Variants in IL1R1 observed in about 807,000 individuals in gnomAD.
IL1R1 encodes interleukin 1 receptor type 1, also known as interleukin-1 receptor type 1.
Under a neutral mutation model 50.2 loss-of-function variants are expected in IL1R1, and 22 were observed. The ratio of observed to expected loss-of-function variants is 0.44; its 90% CI spans 0.31 to 0.63. The LOEUF is 0.63. Ranked by LOEUF, IL1R1 falls within the 20% of genes least tolerant of loss-of-function variation. The pLI is 0.07. For missense variants in IL1R1, 509 were observed against 676.2 expected (o/e 0.75, Z 2.74); for synonymous variants, 251 against 236.7 (o/e 1.06, Z -0.55).
intron 1 of IL1R1, among the ~76,000 whole-genome samples, chr2:102,072,241 C>T (rs1678760527): frequency 7.1e-6 from 1 of 140,526 alleles, no homozygotes; most frequent in South Asian, 2.2e-4. Flanking sequence ...GCCTGGGTGA[C>T]AGAGCAAGAC....
At chr2:102,130,202 T>C (rs1681954998) in intron 1 of IL1R1, among the ~76,000 whole-genome samples, 1 of 152,188 alleles carries the variant, frequency 6.6e-6, no homozygotes, top group South Asian at 2.1e-4. Context: ...CATACCATGT[T>C]TGAATTATTA....
In IL1R1 at chr2:102,172,699, T is replaced by C. The variant is rs749632330; in HGVS notation, c.852T>C (p.Pro284=). The C allele has an allele frequency of 6.9e-6, 11 of 1,603,054 alleles. No individual in the cohort carries two copies. Among genetic ancestry groups the C allele is most frequent in the South Asian group, 2.2e-5 (2 of 89,772 alleles). The part of the protein sequence containing the change: ...LGEDYYSVEN[P]ANKRRSTLIT... ...CTCTCTCGAATAGTGTGGAAAATCC[T>C]GCAAACAAAAGAAGGAGTACCCTCA... Residue 284 remains proline (P), a synonymous_variant, in exon 9 of 12, where the codon CCT becomes CCC. Transcript: ENST00000410023.
chr2:102,157,765 T>C lies in IL1R1; in HGVS notation c.41T>C (p.Leu14Pro), dbSNP rs760125077. The C allele has an allele frequency of 1.2e-6, 2 of 1,603,296 alleles. No homozygotes were observed. Among genetic ancestry groups the C allele is most frequent in the Non-Finnish European group, 1.7e-6 (2 of 1,170,512 alleles). Residue 14 changes from leucine (L) to proline (P), a missense_variant, in exon 3 of 12, where the codon CTG (leucine) becomes CCG (proline). By Grantham distance (98) the Leu-to-Pro change is moderately conservative (BLOSUM62 -3). Coordinates refer to ENST00000410023, the MANE Select transcript of IL1R1 (RefSeq NM_000877.4). The part of the protein sequence containing the change: ...LLRLICFIAL[L>P]ISSLEADKCK... Reference sequence around the variant, plus strand: ...AGACTTATTTGTTTCATAGCTCTACTGATTTCTTCTCTGGAGGCTGGTAAG... The same window carrying C: ...AGACTTATTTGTTTCATAGCTCTACCGATTTCTTCTCTGGAGGCTGGTAAG...
At chr2:102,153,088 C>A (rs768211245) in intron 1 of IL1R1, among the ~76,000 whole-genome samples, 4 of 152,098 alleles carry the variant, frequency 2.6e-5, no homozygotes, top group African/African-American at 9.7e-5. Flanking sequence ...CTACCACAAC[C>A]CAGCTTTTTG....
chr2:102,157,562 A>C (rs1269279071), intron 2 of IL1R1, among the ~76,000 whole-genome samples, 157 bp from the exon 3 acceptor site: 2 of 152,236 alleles, frequency 1.3e-5, no homozygotes, highest in Admixed American at 6.5e-5. Context: ...CCAGAAGTCA[A>C]ATATGACAAC....
chr2:102,138,410 T>C (rs923263872), upstream of IL1R1, among the ~76,000 whole-genome samples: 2 of 152,250 alleles, frequency 1.3e-5, no homozygotes, highest in Non-Finnish European at 2.9e-5. Flanking sequence ...TTATGTCTTA[T>C]CTTCCTCCTC....
intron 1 of IL1R1, among the ~76,000 whole-genome samples, chr2:102,123,700 C>T (rs1681528968): frequency 6.6e-6 from 1 of 151,914 alleles, no homozygotes; most frequent in South Asian, 2.1e-4. Flanking sequence ...ATCTCTTGAG[C>T]CCTAGAGGTG....
upstream of IL1R1, among the ~76,000 whole-genome samples, chr2:102,140,080 T>C (rs1294598879): frequency 2.0e-5 from 3 of 152,128 alleles, no homozygotes; most frequent in African/African-American, 7.2e-5. Flanking sequence ...CAAAAACAAA[T>C]AGCTTTACAT....
chr2:102,168,662 G>A lies in IL1R1; in HGVS notation c.720G>A (p.Leu240=), dbSNP rs758499965. ...CTAATGAGACAATGGAAGTAGACTT[G>A]GGTAAGTGGGCTTCAGTGAGGGTAT... is the stretch of plus-strand genomic sequence containing the variant. ...SPANETMEVD[L]GSQIQLICNV... The change falls in exon 7 of 12, where the codon TTG becomes TTA. Residue 240 remains leucine, a splice_region_variant and synonymous_variant. Coordinates refer to ENST00000410023, the MANE Select transcript of IL1R1 (RefSeq NM_000877.4). 6.2e-7 allele frequency: 1 copy of A among 1,611,870 alleles called. No individual in the cohort carries two copies. Among genetic ancestry groups the A allele is most frequent in the South Asian group, 1.1e-5 (1 of 91,008 alleles).
upstream of IL1R1, among the ~76,000 whole-genome samples, chr2:102,104,238 C>A (rs912908288): frequency 1.3e-5 from 2 of 152,086 alleles, no homozygotes; most frequent in Non-Finnish European, 2.9e-5. Context: ...AATAAAGAGT[C>A]CTGCAGCATT....
At chr2:102,143,461 A>G (rs1682851997) in intron 1 of IL1R1, among the ~76,000 whole-genome samples, 2 of 152,092 alleles carry the variant, frequency 1.3e-5, no homozygotes, top group African/African-American at 4.8e-5. Flanking sequence ...GTGCTAGGGA[A>G]TGTAGCTACA....
intron 1 of IL1R1, among the ~76,000 whole-genome samples, chr2:102,136,946 G>T (rs1307367523): frequency 1.3e-5 from 2 of 152,126 alleles, no homozygotes; most frequent in Non-Finnish European, 2.9e-5. Flanking sequence ...ATCACTGAAT[G>T]ACAACACTAG....
rs142334803 is a variant in IL1R1, at chr2:102,179,751, A to G, written c.*2992A>G. On this transcript the variant is annotated 3_prime_UTR_variant, in exon 12 of 12. Coordinates refer to ENST00000410023, the MANE Select transcript of IL1R1 (RefSeq NM_000877.4). ...TGAAGGAGTTTTTTTTAACCTGTTT[A>G]TATAATTTTGCAGCAGAAGCCAAAT... The G allele has an allele frequency of 1.3e-5, 2 of 152,774 alleles. No individual in the cohort carries two copies. Among genetic ancestry groups the G allele is most frequent in the African/African-American group, 2.4e-5 (1 of 41,452 alleles). The allele number at this position is 152,774 out of a possible 1,614,324, so 9.5% of individuals were successfully genotyped here. A position where few individuals can be genotyped will look rare whatever the true frequency, so the allele number is the denominator to read the frequency against.
intron 11 of IL1R1, 46 bp from the exon 12 acceptor site, chr2:102,176,307 T>A (rs1408873823): frequency 1.3e-6 from 2 of 1,554,410 alleles, no homozygotes; most frequent in Middle Eastern, 2.2e-4. Context: ...GAGAGAATGA[T>A]GATAAATAGA....
chr2:102,138,769 A>G (rs1350114875), upstream of IL1R1, among the ~76,000 whole-genome samples: 1 of 152,214 alleles, frequency 6.6e-6, no homozygotes, highest in African/African-American at 2.4e-5. Flanking sequence ...GTGGTTTCCA[A>G]TCTTTGTTGT....
At chr2:102,174,807 G>T in intron 10 of IL1R1, 77 bp downstream of exon 10, 1 of 1,215,456 alleles carries the variant, frequency 8.2e-7, no homozygotes, top group Non-Finnish European at 1.1e-6. Flanking sequence ...TGACTAAGAG[G>T]GTTTTTACTA....
chr2:102,149,286 C>T (rs1683437964), intron 1 of IL1R1, among the ~76,000 whole-genome samples: 1 of 152,160 alleles, frequency 6.6e-6, no homozygotes, highest in Non-Finnish European at 1.5e-5. Flanking sequence ...ACTCATTACT[C>T]CATGGGAAGG....
chr2:102,102,905 C>T (rs1442450664), upstream of IL1R1, among the ~76,000 whole-genome samples: 1 of 152,072 alleles, frequency 6.6e-6, no homozygotes, highest in Non-Finnish European at 1.5e-5. Context: ...AACAGAAAAT[C>T]AAATACTGCA....
chr2:102,150,838 G>A (rs947475784), intron 1 of IL1R1, among the ~76,000 whole-genome samples: 2 of 152,124 alleles, frequency 1.3e-5, no homozygotes, highest in African/African-American at 4.8e-5. Flanking sequence ...CCAGTCCAGG[G>A]GTTTCACACA....
Sources: allele counts gnomAD v4.1 joint callset (sites outside exome capture counted in the v4.1 genomes callset), GRCh38; gene constraint gnomAD v4.1.1; transcripts MANE v1.5; gene names NCBI Gene and HGNC (gene_info 2026-07-23, HGNC 2026-07-21).